MAP2K3: variants seen among roughly 807,000 people sequenced by gnomAD.
The protein encoded by MAP2K3 is mitogen-activated protein kinase kinase 3, also known as dual specificity mitogen-activated protein kinase kinase 3.
MAP2K3 carries 30 observed loss-of-function variants against 46.4 expected under a neutral mutation model. That is an observed-to-expected ratio of 0.65 (90% confidence interval 0.48 to 0.88). MAP2K3 has a LOEUF of 0.88. Ranked by LOEUF, MAP2K3 falls within the 40% of genes least tolerant of loss-of-function variation. The pLI is 0.00. For missense variants in MAP2K3, 380 were observed against 464.5 expected, an observed-to-expected ratio of 0.82 and a Z score of 1.67; for synonymous variants, 189 against 176.3, an observed-to-expected ratio of 1.07 and a Z score of -0.57.
At chr17:21,290,307 T>C (rs1597799303) in intron 1 of MAP2K3, among the ~76,000 whole-genome samples, 1 of 152,202 alleles carries the variant, frequency 6.6e-6, no homozygotes, top group Admixed American at 6.5e-5. Flanking sequence ...CGGCTCTGGG[T>C]ATGGGGATGG....
At chr17:21,298,594 G>A (rs1217932589) in intron 2 of MAP2K3, 115 bp downstream of exon 2, 8 of 1,548,070 alleles carry the variant, frequency 5.2e-6, no homozygotes, top group Non-Finnish European at 6.2e-6. Flanking sequence ...TCCTGTCCTG[G>A]GCAGCCCCTG....
At chr17:21,295,753 G>A (rs1249387788) in intron 1 of MAP2K3, 4 of 1,289,494 alleles carry the variant, frequency 3.1e-6, no homozygotes, top group Non-Finnish European at 4.0e-6. Flanking sequence ...GCCCATATGT[G>A]CAAGTGCCCT....
chr17:21,284,759 C>A lies in MAP2K3; in HGVS notation c.-162C>A. 1.5e-6 allele frequency: 1 copy of A among 688,334 alleles called. No homozygotes were observed. The highest frequency in any genetic ancestry group is 2.2e-6 in the Non-Finnish European group (1 of 446,480). The allele number at this position is 688,334 out of a possible 1,614,324, so 42.6% of individuals were successfully genotyped here. On this transcript the variant is annotated 5_prime_UTR_variant, in exon 1 of 12. Coordinates refer to ENST00000342679, the MANE Select transcript of MAP2K3 (RefSeq NM_145109.3). Reference sequence around the variant, plus strand: ...CGCGGACTCGTCCTTGCTGCAGTCGCCGCCGCAGTCCTCGCCGCAGTCGCC... The same window carrying A: ...CGCGGACTCGTCCTTGCTGCAGTCGACGCCGCAGTCCTCGCCGCAGTCGCC...
At chr17:21,292,223 G>T (rs887139766) in intron 1 of MAP2K3, among the ~76,000 whole-genome samples, 2 of 152,312 alleles carry the variant, frequency 1.3e-5, no homozygotes, top group East Asian at 1.9e-4. Flanking sequence ...GAGAGTGCTG[G>T]GGCTGGCTTC....
chr17:21,301,727 G>C (rs1976612027), intron 5 of MAP2K3, among the ~76,000 whole-genome samples: 1 of 152,312 alleles, frequency 6.6e-6, no homozygotes, highest in East Asian at 1.9e-4. Context: ...GAGTTCACTG[G>C]GGAAGAGGGA....
chr17:21,312,858 T>C (rs1977230246), intron 10 of MAP2K3, among the ~76,000 whole-genome samples: 2 of 149,726 alleles, frequency 1.3e-5, no homozygotes, highest in Non-Finnish European at 3.0e-5. Flanking sequence ...GAGGTTGCAG[T>C]GAGCCTGAGC....
intron 1 of MAP2K3, chr17:21,291,500 G>A (rs768672941): frequency 5.5e-5 from 25 of 456,454 alleles, no homozygotes; most frequent in East Asian, 2.8e-4. Flanking sequence ...ACCTCGAGCC[G>A]GGCCCACGTG....
chr17:21,296,476 AC>A (rs1310957113), intron 1 of MAP2K3, among the ~76,000 whole-genome samples: 4 of 152,306 alleles, frequency 2.6e-5, no homozygotes, highest in Non-Finnish European at 4.4e-5. Flanking sequence ...TGAGCACGAG[AC>A]TTGGGCCCCT....
At position 21,312,319 on chromosome 17, in the gene MAP2K3, C is replaced by G. The variant is rs763822224; in HGVS notation, c.914+38C>G. The stretch of plus-strand genomic sequence containing the variant: ...TGCTGCTGAGCGCCTGCCACTGCCC[C>G]TCCCTGGCCAGATCCCTGCACCTTC... On this transcript the variant is annotated intron_variant, in intron 10 of 11. Transcript: ENST00000342679. The G allele has an allele frequency of 4.5e-6, 7 of 1,548,520 alleles. No individual in the cohort carries two copies. In the South Asian group the frequency reaches 8.6e-5, roughly 19 times the overall value.
chr17:21,288,380 T>G (rs1176403827), intron 1 of MAP2K3, among the ~76,000 whole-genome samples: 1 of 152,130 alleles, frequency 6.6e-6, no homozygotes, highest in East Asian at 1.9e-4. Flanking sequence ...CAGTGACTGT[T>G]TACCACCCTT....
At chr17:21,312,668 G>A (rs1479287646) in intron 10 of MAP2K3, among the ~76,000 whole-genome samples, 1 of 152,184 alleles carries the variant, frequency 6.6e-6, no homozygotes, top group Non-Finnish European at 1.5e-5. Context: ...TGTAATCCCA[G>A]CACTTTGGGA....
At chr17:21,294,250 G>A (rs1976112925) in intron 1 of MAP2K3, among the ~76,000 whole-genome samples, 3 of 137,170 alleles carry the variant, frequency 2.2e-5, no homozygotes, top group South Asian at 2.4e-4. Context: ...TCCTTCCCTG[G>A]CAGGCCCAGA....
intron 7 of MAP2K3, among the ~76,000 whole-genome samples, chr17:21,304,026 C>T (rs561732796): frequency 1.8e-4 from 27 of 152,422 alleles, no homozygotes; most frequent in Admixed American, 2.6e-4. Flanking sequence ...TGTCCAAACA[C>T]GCAGATCCTG....
chr17:21,299,044 T>TTCTCCA, intron 3 of MAP2K3, 118 bp downstream of exon 3: 5 of 1,466,720 alleles, frequency 3.4e-6, no homozygotes, highest in Non-Finnish European at 4.8e-6. Context: ...GGTCAGGCTC[T>TTCTCCA]GGAGAAGAGC....
At chr17:21,294,449 G>A (rs1976126069) in intron 1 of MAP2K3, among the ~76,000 whole-genome samples, 1 of 152,312 alleles carries the variant, frequency 6.6e-6, no homozygotes, top group South Asian at 2.1e-4. Context: ...TGCCCCTGTG[G>A]GTGACCCTTA....
intron 3 of MAP2K3, among the ~76,000 whole-genome samples, chr17:21,299,154 C>G (rs1431784018): frequency 6.6e-6 from 1 of 152,310 alleles, no homozygotes; most frequent in African/African-American, 2.4e-5. Context: ...GCTTGGCGAG[C>G]CCAGAGCTGG....
intron 1 of MAP2K3, among the ~76,000 whole-genome samples, chr17:21,292,938 A>T (rs1182549644): frequency 6.6e-6 from 1 of 152,310 alleles, no homozygotes; most frequent in Non-Finnish European, 1.5e-5. Context: ...CCTGGGCCTC[A>T]GTTTCCCCAT....
intron 9 of MAP2K3, among the ~76,000 whole-genome samples, chr17:21,308,528 G>A (rs547826860): frequency 2.6e-5 from 4 of 152,282 alleles, no homozygotes; most frequent in African/African-American, 9.6e-5. Flanking sequence ...ACTCAAAGTC[G>A]AAATAATTTT....
chr17:21,293,318 T>C (rs1036356767), intron 1 of MAP2K3, among the ~76,000 whole-genome samples: 2 of 152,154 alleles, frequency 1.3e-5, no homozygotes. Flanking sequence ...TGTTGCCTCC[T>C]TCCCTCTCCA....
Sources: allele counts gnomAD v4.1 joint callset (sites outside exome capture counted in the v4.1 genomes callset), GRCh38; gene constraint gnomAD v4.1.1; transcripts MANE v1.5; gene names NCBI Gene and HGNC (gene_info 2026-07-23, HGNC 2026-07-21).